The following NUP93 variants were observed in gnomAD, a reference collection of about 807,000 sequenced individuals.
NUP93 encodes the protein nuclear pore complex protein Nup93.
A neutral mutation model predicts 107.8 loss-of-function variants in NUP93; 55 were observed. The ratio of observed to expected loss-of-function variants is 0.51; its 90% CI spans 0.41 to 0.64. The LOEUF (loss-of-function observed/expected upper bound fraction) is 0.64, where lower values mean the gene tolerates loss of function less well. Among genes scored for constraint, NUP93 ranks in the 30% least tolerant of loss-of-function variants. NUP93 has a pLI of 0.00. For missense variants in NUP93, 937 were observed against 1,044.7 expected (o/e 0.90, Z 1.42); for synonymous variants, 390 against 397.5 (o/e 0.98, Z 0.22).
chr16:56,790,041 G>A (rs1203255789), intron 3 of NUP93, among the ~76,000 whole-genome samples: 2 of 152,152 alleles, frequency 1.3e-5, no homozygotes, highest in Non-Finnish European at 1.5e-5. Context: ...AGGTTGCAGT[G>A]AACCCAGATG....
chr16:56,799,625 G>A (rs1962978253), intron 4 of NUP93, among the ~76,000 whole-genome samples: 1 of 152,206 alleles, frequency 6.6e-6, no homozygotes, highest in Non-Finnish European at 1.5e-5. Context: ...TCTCTGCAAA[G>A]GGTGTAGGCT....
In NUP93 at chr16:56,777,350, A is replaced by G. The variant is rs1012227309; in HGVS notation, c.297+18695A>G. Among the ~76,000 whole-genome samples the G allele has an allele frequency of 2.0e-5, 3 of 152,194 alleles. No homozygotes were observed. In the East Asian group the frequency reaches 5.8e-4, roughly 29 times the overall value. On this transcript the variant is annotated intron_variant, in intron 3 of 21. Coordinates refer to ENST00000308159, the MANE Select transcript of NUP93 (RefSeq NM_014669.5). ...TTTGGTTTATAGTCATATCAAAGTC[A>G]GAACCACCACTCTGGGGCAGCAGGA...
At chr16:56,798,341 T>C in intron 3 of NUP93, 135 bp from the exon 4 acceptor site, 1 of 667,562 alleles carries the variant, frequency 1.5e-6, no homozygotes. Flanking sequence ...TCTATGTTGA[T>C]GTTTTCAAGT....
chr16:56,814,493 A>G (rs1963379817), intron 5 of NUP93, among the ~76,000 whole-genome samples: 2 of 152,208 alleles, frequency 1.3e-5, no homozygotes, highest in Admixed American at 1.3e-4. Context: ...CCCTGCCTGC[A>G]TTTCGTTTTT....
At chr16:56,747,993 A>C in intron 1 of NUP93, 2 of 299,868 alleles carry the variant, frequency 6.7e-6, no homozygotes, top group South Asian at 1.4e-4. Flanking sequence ...CTGATGGCAG[A>C]AATCAATCTT....
intron 11 of NUP93, 38 bp from the exon 12 acceptor site, chr16:56,832,257 C>A: frequency 6.5e-7 from 1 of 1,545,224 alleles, no homozygotes; most frequent in South Asian, 1.1e-5. Flanking sequence ...CTCAGGGTGT[C>A]ATTTGTACCA....
In NUP93 at chr16:56,849,689, A is replaced by T. The variant is rs2144663269; in HGVS notation, c.*5080A>T. 6.6e-6 allele frequency: 1 copy of T among 152,374 alleles called. No individual in the cohort carries two copies. The highest frequency in any genetic ancestry group is 2.4e-5 in the African/African-American group (1 of 41,582). The allele number at this position is 152,374 out of a possible 1,614,324, so 9.4% of individuals were successfully genotyped here. ...TTGCATTTTGGATAAACAGTGAAGAAGTTCCTAGTGTAAGTATGTCCCAGT... is the reference window on the plus strand; with the variant it reads ...TTGCATTTTGGATAAACAGTGAAGATGTTCCTAGTGTAAGTATGTCCCAGT... On this transcript the variant is annotated 3_prime_UTR_variant, in exon 22 of 22. Transcript: ENST00000308159.
chr16:56,779,327 C>T (rs1457881547), intron 3 of NUP93, among the ~76,000 whole-genome samples: 1 of 152,206 alleles, frequency 6.6e-6, no homozygotes, highest in Admixed American at 6.5e-5. Context: ...GTAATCTCTA[C>T]ATTTGTTTAA....
chr16:56,763,984 A>C (rs1335634254), intron 3 of NUP93, among the ~76,000 whole-genome samples: 1 of 152,216 alleles, frequency 6.6e-6, no homozygotes, highest in Non-Finnish European at 1.5e-5. Flanking sequence ...TAAAAAAATT[A>C]GTGTTAGGGA....
chr16:56,833,455 C>G (rs1345830994), intron 13 of NUP93, 49 bp downstream of exon 13: 2 of 1,434,614 alleles, frequency 1.4e-6, no homozygotes, highest in African/African-American at 3.0e-5. Context: ...AGCACGTCCC[C>G]CTTGGGGCGA....
chr16:56,804,735 C>T (rs1262516288), intron 4 of NUP93, among the ~76,000 whole-genome samples: 1 of 151,868 alleles, frequency 6.6e-6, no homozygotes, highest in African/African-American at 2.4e-5. Context: ...ATGGTGAAAC[C>T]CCGTCTCTAG....
intron 3 of NUP93, among the ~76,000 whole-genome samples, chr16:56,764,264 G>A (rs1962179779): frequency 6.6e-6 from 1 of 152,148 alleles, no homozygotes; most frequent in South Asian, 2.1e-4. Context: ...GCCGAGGCGG[G>A]CAGATCACTT....
chr16:56,734,917 T>G (rs1250608344), intron 1 of NUP93, among the ~76,000 whole-genome samples: 1 of 152,180 alleles, frequency 6.6e-6, no homozygotes, highest in Non-Finnish European at 1.5e-5. Flanking sequence ...CCCTACTGTC[T>G]GTGCCCATCT....
chr16:56,826,114 T>C (rs950801052), intron 8 of NUP93, among the ~76,000 whole-genome samples: 5 of 152,194 alleles, frequency 3.3e-5, no homozygotes, highest in Admixed American at 6.5e-5. Context: ...TAGGCCCTTG[T>C]CAGCACATGA....
At chr16:56,796,019 G>C (rs549886274) in intron 3 of NUP93, among the ~76,000 whole-genome samples, 3 of 152,288 alleles carry the variant, frequency 2.0e-5, no homozygotes, top group African/African-American at 7.2e-5. Context: ...GCACTGCCCA[G>C]GTTTTTGGGG....
At chr16:56,758,713 G>A in intron 3 of NUP93, 58 bp downstream of exon 3, 2 of 1,183,548 alleles carry the variant, frequency 1.7e-6, no homozygotes, top group Non-Finnish European at 2.5e-6. Flanking sequence ...TGAAGACCCT[G>A]GCCCTTTATT....
Position 56,825,485 on chromosome 16 carries a change from G to A in NUP93, c.794+1639G>A, listed in dbSNP as rs553920030. Among the ~76,000 whole-genome samples the A allele has an allele frequency of 2.4e-4, 37 of 152,004 alleles. 1 individual carries two copies. In the South Asian group the frequency reaches 2.5e-3, roughly 10 times the overall value. On this transcript the variant is annotated intron_variant, in intron 8 of 21. Coordinates refer to ENST00000308159, the MANE Select transcript of NUP93 (RefSeq NM_014669.5). The stretch of plus-strand genomic sequence containing the variant: ...TTCCCAAAGTGCTGGGATTACAGGC[G>A]TAAGCCACCGTGCCTGGCCTAGGAT...
intron 21 of NUP93, among the ~76,000 whole-genome samples, chr16:56,843,822 G>T (rs1173818138): frequency 6.6e-6 from 1 of 152,150 alleles, no homozygotes; most frequent in Non-Finnish European, 1.5e-5. Context: ...TTAAATTCTT[G>T]TTACTAGTCC....
At chr16:56,788,585 G>T (rs1962680767) in intron 3 of NUP93, among the ~76,000 whole-genome samples, 1 of 152,246 alleles carries the variant, frequency 6.6e-6, no homozygotes, top group Non-Finnish European at 1.5e-5. Context: ...TGAGCCGGAA[G>T]GACTGCTTCC....
Sources: gnomAD v4.1 joint callset for allele counts (sites outside exome capture counted in the v4.1 genomes callset) on GRCh38, gnomAD v4.1.1 for gene constraint, MANE v1.5 for transcripts, NCBI Gene and HGNC (gene_info 2026-07-23, HGNC 2026-07-21) for gene names.